ANKRD30B: variants seen among roughly 807,000 people sequenced by gnomAD.
ANKRD30B encodes ankyrin repeat domain 30B, also known as ankyrin repeat domain-containing protein 30B.
Under a neutral mutation model 202.2 loss-of-function variants are expected in ANKRD30B, and 144 were observed. The ratio of observed to expected loss-of-function variants is 0.71; its 90% CI spans 0.62 to 0.82. The LOEUF (loss-of-function observed/expected upper bound fraction) is 0.82. Ranked by LOEUF, ANKRD30B falls within the 40% of genes least tolerant of loss-of-function variation. The pLI, the probability that ANKRD30B is intolerant of heterozygous loss-of-function variation, is 0.00. For missense variants in ANKRD30B, 1,487 were observed against 1,669.1 expected (o/e 0.89, Z 1.90); for synonymous variants, 508 against 561.3 (o/e 0.91, Z 1.34).
the ANKRD30B span, among the ~76,000 whole-genome samples, chr18:14,860,327 GCGCTCCTCACTTC>G: frequency 8.0e-6 from 1 of 124,610 alleles, no homozygotes; most frequent in Non-Finnish European, 1.7e-5. Flanking sequence ...CCAGGCAGTG[GCGCTCCTCACTTC>G]CCAGACAGGG....
rs1461975617 is a variant in ANKRD30B at position 14,787,100 on chromosome 18, G to A, written c.1734G>A (p.Glu578=). The change falls in exon 15 of 44, where the codon GAG becomes GAA. Residue 578 remains glutamate (E), a splice_region_variant and synonymous_variant. Transcript: ENST00000690538. ...ATGAAGAAAATTCTTGGGATTCTGA[G>A]GTACTATGTGTTATTGATTTTTTTA... ...KDDEENSWDS[E]SPCETVSQKD... is the part of the protein sequence containing the mutation. The A allele has an allele frequency of 6.2e-7, 1 of 1,606,524 alleles. No homozygotes were observed. The highest frequency in any genetic ancestry group is 8.5e-7 in the Non-Finnish European group (1 of 1,175,686).
Position 14,789,888 on chromosome 18 carries a change from A to C in ANKRD30B, c.1735-1513A>C, listed in dbSNP as rs566704599. 5.0e-3 allele frequency among the ~76,000 whole-genome samples: 764 copies of C among 152,126 alleles called. 6 individuals are homozygous for C. The highest frequency in any genetic ancestry group is 0.021 in the South Asian group (101 of 4,830). On this transcript the variant is annotated intron_variant, in intron 15 of 43. Coordinates refer to ENST00000690538, the MANE Select transcript of ANKRD30B (RefSeq NM_001367607.2). ...TGGAGATGCAGGCTCTTTTTTGGTT[A>C]CATATGAACTTTAAAGTAGTTTTTT...
intron 41 of ANKRD30B, 89 bp from the exon 42 acceptor site, chr18:14,851,420 T>C (rs1971878745): frequency 3.7e-6 from 5 of 1,353,092 alleles, no homozygotes; most frequent in East Asian, 2.5e-5. Flanking sequence ...TTTCATTGTA[T>C]AAACGTACAA....
chr18:14,784,050 G>T (rs1967922210), intron 12 of ANKRD30B, among the ~76,000 whole-genome samples: 1 of 152,096 alleles, frequency 6.6e-6, no homozygotes, highest in African/African-American at 2.4e-5. Context: ...AGCATTCCAT[G>T]TTCAGGTTTG....
At chr18:14,775,896 T>A (rs1967322026) in intron 9 of ANKRD30B, among the ~76,000 whole-genome samples, 1 of 152,246 alleles carries the variant, frequency 6.6e-6, no homozygotes, top group South Asian at 2.1e-4. Context: ...TGCAACTAAC[T>A]TGGTTTATAA....
chr18:14,748,317 G>A lies in ANKRD30B; in HGVS notation c.-103G>A, dbSNP rs1183282102. 5 of 973,572 alleles carry A rather than the reference G, an allele frequency of 5.1e-6. No individual in the cohort carries two copies. The highest frequency in any genetic ancestry group is 7.2e-6 in the Non-Finnish European group (5 of 692,138). 60.3% of individuals were successfully genotyped at this position (973,572 alleles called of 1,614,324 possible). On this transcript the variant is annotated 5_prime_UTR_variant, in exon 1 of 44. Coordinates refer to ENST00000690538, the MANE Select transcript of ANKRD30B (RefSeq NM_001367607.2). ...CTGAAGACGGGCGAGTGCGAGCCGG[G>A]GGCGGGTGCTGGGGAAGGGTAAGCG...
At chr18:14,913,429 G>C in the ANKRD30B span, among the ~76,000 whole-genome samples, 3 of 152,086 alleles carry the variant, frequency 2.0e-5, no homozygotes, top group Admixed American at 6.5e-5. Context: ...CCAATATCAG[G>C]CTGCAACTTC....
the ANKRD30B span, among the ~76,000 whole-genome samples, chr18:14,897,159 C>T: frequency 3.8e-3 from 579 of 152,106 alleles, 2 homozygotes; most frequent in Non-Finnish European, 5.6e-3. Context: ...AAGATTCAAA[C>T]GTCGTGTTCA....
chr18:14,790,532 T>A (rs12606627), intron 15 of ANKRD30B, among the ~76,000 whole-genome samples: 60,580 of 151,960 alleles, frequency 0.4, 13,474 homozygotes, highest in East Asian at 0.58. Context: ...GGGTTTGTCA[T>A]AGATAGCTCT....
intron 39 of ANKRD30B, among the ~76,000 whole-genome samples, chr18:14,846,731 C>T (rs1971654046): frequency 6.6e-6 from 1 of 151,954 alleles, no homozygotes; most frequent in African/African-American, 2.4e-5. Context: ...GGTATTAATA[C>T]AACCACTCTT....
chr18:14,899,973 C>G, the ANKRD30B span, among the ~76,000 whole-genome samples: 2 of 152,092 alleles, frequency 1.3e-5, no homozygotes, highest in Non-Finnish European at 2.9e-5. Context: ...GTAAATCTAT[C>G]TCATCTTTCT....
At chr18:14,793,585 C>T (rs991952282) in intron 16 of ANKRD30B, among the ~76,000 whole-genome samples, 9 of 151,898 alleles carry the variant, frequency 5.9e-5, no homozygotes, top group Non-Finnish European at 1.3e-4. Flanking sequence ...CAGCGATTAG[C>T]TTGTTTTTCA....
At chr18:14,796,675 C>G (rs1258613109) in intron 18 of ANKRD30B, among the ~76,000 whole-genome samples, 1 of 152,042 alleles carries the variant, frequency 6.6e-6, no homozygotes, top group Non-Finnish European at 1.5e-5. Flanking sequence ...TGTCTTTGTT[C>G]CCAGGTGGAT....
intron 30 of ANKRD30B, among the ~76,000 whole-genome samples, chr18:14,821,342 G>C (rs150129267): frequency 6.6e-6 from 1 of 152,002 alleles, no homozygotes; most frequent in Non-Finnish European, 1.5e-5. Flanking sequence ...TTTTTGAACG[G>C]TTTTTTGTGT....
the ANKRD30B span, among the ~76,000 whole-genome samples, chr18:14,934,400 C>T: frequency 7.9e-5 from 12 of 152,326 alleles, no homozygotes; most frequent in African/African-American, 1.4e-4. Context: ...ACTTGCTACC[C>T]GGCAGTGATG....
At chr18:14,854,832 AACAC>A (rs56259305), downstream of ANKRD30B, among the ~76,000 whole-genome samples, 51,145 of 133,876 alleles carry the variant, frequency 0.38, 9,250 homozygotes, top group East Asian at 0.5. Context: ...ACTATCCACG[AACAC>A]ACACACACAC....
chr18:14,896,280 C>T, the ANKRD30B span, among the ~76,000 whole-genome samples: 9 of 151,870 alleles, frequency 5.9e-5, no homozygotes, highest in Non-Finnish European at 7.4e-5. Context: ...TACAGGCACC[C>T]GCCACCACGC....
At chr18:14,849,743 T>C (rs1191665948) in intron 40 of ANKRD30B, among the ~76,000 whole-genome samples, 1 of 151,774 alleles carries the variant, frequency 6.6e-6, no homozygotes, top group East Asian at 1.9e-4. Flanking sequence ...TCTGAGATCA[T>C]AATATTCAAA....
At chr18:14,877,657 G>T in the ANKRD30B span, 30 of 151,940 alleles carry the variant, frequency 2.0e-4, no homozygotes, top group Non-Finnish European at 3.8e-4. Flanking sequence ...AGGCTCAGAG[G>T]TGTCAGGTGA....
Sources: allele counts gnomAD v4.1 joint callset (sites outside exome capture counted in the v4.1 genomes callset), GRCh38; gene constraint gnomAD v4.1.1; transcripts MANE v1.5; gene names NCBI Gene and HGNC (gene_info 2026-07-23, HGNC 2026-07-21).